TMEM116: variants seen among roughly 807,000 people sequenced by gnomAD.
TMEM116 encodes transmembrane protein 116.
Under a neutral mutation model 44.3 loss-of-function variants are expected in TMEM116, and 38 were observed. The ratio of observed to expected loss-of-function variants is 0.86; its 90% CI spans 0.66 to 1.12. The LOEUF (loss-of-function observed/expected upper bound fraction) is 1.12. Among genes scored for constraint, TMEM116 ranks in the 50% most tolerant of loss-of-function variants. The pLI is 0.00. For synonymous variants in TMEM116, 132 were observed against 144.8 expected (o/e 0.91, Z 0.64); for missense variants, 354 against 401.7 (o/e 0.88, Z 1.01).
chr12:111,966,509 T>C (rs1420640142), intron 4 of TMEM116, among the ~76,000 whole-genome samples: 1 of 152,104 alleles, frequency 6.6e-6, no homozygotes, highest in Non-Finnish European at 1.5e-5. Flanking sequence ...TTGTGGAAAA[T>C]TATATTTAAG....
At chr12:111,986,129 G>A (rs1197548787) in intron 4 of TMEM116, among the ~76,000 whole-genome samples, 3 of 151,894 alleles carry the variant, frequency 2.0e-5, no homozygotes, top group Non-Finnish European at 4.4e-5. Context: ...GTTGAGGTAG[G>A]AGGATCACTT....
At chr12:111,979,293 G>A (rs1258836985) in intron 4 of TMEM116, among the ~76,000 whole-genome samples, 1 of 151,934 alleles carries the variant, frequency 6.6e-6, no homozygotes, top group Non-Finnish European at 1.5e-5. Flanking sequence ...ATACACAATA[G>A]AATATTATTT....
intron 4 of TMEM116, among the ~76,000 whole-genome samples, chr12:111,990,722 A>T (rs2076512122): frequency 6.6e-6 from 1 of 152,182 alleles, no homozygotes; most frequent in Non-Finnish European, 1.5e-5. Context: ...TTACATACTG[A>T]TGGCACTATG....
intron 4 of TMEM116, chr12:111,965,741 T>C (rs1383967381): frequency 5.1e-6 from 2 of 389,052 alleles, no homozygotes; most frequent in Non-Finnish European, 1.0e-5. Flanking sequence ...CTGGCAAACA[T>C]GGCGAAACCC....
At chr12:111,943,070 T>C (rs1276569009) in intron 5 of TMEM116, among the ~76,000 whole-genome samples, 195 bp downstream of exon 5, 1 of 151,968 alleles carries the variant, frequency 6.6e-6, no homozygotes, top group African/African-American at 2.4e-5. Flanking sequence ...TCCAGGCATG[T>C]GCTACAATGC....
chr12:111,948,540 T>C (rs1015190223), intron 4 of TMEM116, among the ~76,000 whole-genome samples: 8 of 152,168 alleles, frequency 5.3e-5, no homozygotes, highest in Non-Finnish European at 1.0e-4. Flanking sequence ...CTAAAAGATA[T>C]TCAGGCCACC....
intron 4 of TMEM116, among the ~76,000 whole-genome samples, chr12:111,970,718 C>G (rs1167810578): frequency 1.3e-5 from 2 of 151,864 alleles, no homozygotes; most frequent in Admixed American, 6.6e-5. Flanking sequence ...TCCTGAGTAG[C>G]TGGGACTACA....
chr12:111,937,880 A>G (rs892587861), intron 6 of TMEM116, among the ~76,000 whole-genome samples: 1 of 152,224 alleles, frequency 6.6e-6, no homozygotes, highest in Non-Finnish European at 1.5e-5. Flanking sequence ...ATACAGGAAA[A>G]GGAATAAGTG....
intron 1 of TMEM116, among the ~76,000 whole-genome samples, chr12:112,007,600 G>A (rs1002529484): frequency 9.2e-5 from 14 of 152,102 alleles, no homozygotes; most frequent in African/African-American, 1.9e-4. Flanking sequence ...CCAGCATAAC[G>A]TCTTAAGAAG....
intron 4 of TMEM116, among the ~76,000 whole-genome samples, chr12:111,969,029 A>G (rs907371106): frequency 6.6e-5 from 10 of 151,190 alleles, no homozygotes; most frequent in Non-Finnish European, 1.3e-4. Context: ...GAAAAGAAAA[A>G]AAAGAAAATG....
At chr12:111,989,197 C>T (rs2076401790) in intron 4 of TMEM116, among the ~76,000 whole-genome samples, 1 of 152,100 alleles carries the variant, frequency 6.6e-6, no homozygotes, top group South Asian at 2.1e-4. Flanking sequence ...AAGTGAGTTT[C>T]CCAAACTTTT....
chr12:111,965,784 G>A, intron 4 of TMEM116: 1 of 359,190 alleles, frequency 2.8e-6, no homozygotes, highest in Non-Finnish European at 5.5e-6. Context: ...ACAAAAATTA[G>A]CCTTAGCCAG....
At chr12:111,991,192 C>T (rs2076548049) in intron 4 of TMEM116, among the ~76,000 whole-genome samples, 2 of 128,694 alleles carry the variant, frequency 1.6e-5, no homozygotes, top group African/African-American at 5.9e-5. Context: ...GCACTCCAGT[C>T]TGGCGACAGA....
intron 4 of TMEM116, among the ~76,000 whole-genome samples, chr12:111,950,931 C>T (rs1215279164): frequency 2.0e-5 from 3 of 152,154 alleles, no homozygotes; most frequent in African/African-American, 7.2e-5. Context: ...GCAAACTATG[C>T]ATCTGACAAA....
At chr12:112,002,803 G>A (rs1385139362) in intron 3 of TMEM116, among the ~76,000 whole-genome samples, 1 of 152,006 alleles carries the variant, frequency 6.6e-6, no homozygotes, top group East Asian at 1.9e-4. Context: ...TATTAAAGTG[G>A]GCCCAATAAA....
intron 1 of TMEM116, among the ~76,000 whole-genome samples, chr12:112,009,096 T>C (rs936780781): frequency 6.6e-6 from 1 of 151,988 alleles, no homozygotes; most frequent in South Asian, 2.1e-4. Context: ...AGGAAGGAAA[T>C]GCCCAGTGCT....
chr12:111,991,416 C>T (rs1334278850), intron 4 of TMEM116, among the ~76,000 whole-genome samples: 4 of 149,710 alleles, frequency 2.7e-5, no homozygotes, highest in Non-Finnish European at 4.4e-5. Context: ...CCCAGCTACT[C>T]GGGAGGCTGA....
intron 1 of TMEM116, among the ~76,000 whole-genome samples, chr12:112,008,309 C>T (rs565541869): frequency 5.3e-5 from 8 of 152,148 alleles, no homozygotes; most frequent in African/African-American, 1.2e-4. Context: ...GGTGAAACCC[C>T]GCCTCTACTA....
chr12:111,945,646 A>G (rs1159744785), intron 4 of TMEM116, among the ~76,000 whole-genome samples: 2 of 152,224 alleles, frequency 1.3e-5, no homozygotes, highest in Non-Finnish European at 2.9e-5. Flanking sequence ...CTCAGGACTC[A>G]TCTTTATTTT....
Sources: allele counts gnomAD v4.1 joint callset (sites outside exome capture counted in the v4.1 genomes callset), GRCh38; gene constraint gnomAD v4.1.1; transcripts MANE v1.5; gene names NCBI Gene and HGNC (gene_info 2026-07-23, HGNC 2026-07-21).